The following ARSG variants were observed in gnomAD, a reference collection of about 807,000 sequenced individuals.
ARSG encodes ASG.
A neutral mutation model predicts 50.5 loss-of-function variants in ARSG; 37 were observed. The observed-to-expected ratio is 0.73, with a 90% CI of 0.56 to 0.96. The LOEUF (loss-of-function observed/expected upper bound fraction) is 0.96. ARSG is among the 50% of genes least tolerant of loss of function. ARSG has a pLI of 0.00. For missense variants in ARSG, 629 were observed against 675.3 expected, an observed-to-expected ratio of 0.93 and a Z score of 0.76; for synonymous variants, 225 against 254.6, an observed-to-expected ratio of 0.88 and a Z score of 1.11.
chr17:68,420,498 G>A lies in ARSG; in HGVS notation c.*35G>A, dbSNP rs751484778. The A allele has an allele frequency of 4.4e-6, 7 of 1,592,468 alleles. No individual in the cohort carries two copies. In the Admixed American group the frequency reaches 1.2e-4, roughly 27 times the overall value. ...TTTTATTCCACGAGGAGGAGTACCT[G>A]GAAATTAGGCAAGTTTGCTTCCAAA... On this transcript the variant is annotated 3_prime_UTR_variant, in exon 12 of 12. Coordinates refer to ENST00000621439, the MANE Select transcript of ARSG (RefSeq NM_001267727.2).
chr17:68,420,484 G>A lies in ARSG; in HGVS notation c.*21G>A, dbSNP rs9902110. ...CATAACAGACCAATTTTTATTCCAC[G>A]AGGAGGAGTACCTGGAAATTAGGCA... On this transcript the variant is annotated 3_prime_UTR_variant, in exon 12 of 12. Coordinates refer to ENST00000621439, the MANE Select transcript of ARSG (RefSeq NM_001267727.2). 846 of 1,600,724 alleles carry A rather than the reference G, an allele frequency of 5.3e-4. 4 individuals carry two copies. In the African/African-American group the frequency reaches 9.5e-3, roughly 18 times the overall value.
At position 68,368,630 on chromosome 17, in the gene ARSG, C is replaced by A. The variant is rs145490327; in HGVS notation, c.787C>A (p.Pro263Thr). Residue 263 changes from proline (P) to threonine (T), a missense_variant, in exon 7 of 12, where the codon CCA (proline) becomes ACA (threonine). Pro to Thr is a conservative substitution (Grantham distance 38). Coordinates refer to ENST00000621439, the MANE Select transcript of ARSG (RefSeq NM_001267727.2). Reference protein sequence around the residue: ...PLPVTQLPAAPRGRSLYGAGL... With the variant: ...PLPVTQLPAATRGRSLYGAGL... ...ACCTGTGACTCAGCTACCAGCAGCG[C>A]CACGGGGCAGAAGCCTGTATGGTGC... The A allele has an allele frequency of 3.1e-6, 5 of 1,614,114 alleles. No individual in the cohort carries two copies. The African/African-American group carries it at 5.3e-5, about 17-fold the overall frequency.
At chr17:68,276,150 G>A (rs191561657) in intron 1 of ARSG, among the ~76,000 whole-genome samples, 179 of 150,354 alleles carry the variant, frequency 1.2e-3, no homozygotes, top group African/African-American at 4.3e-3. Flanking sequence ...CTGGAGTGCA[G>A]TGGCACAATC....
intron 2 of ARSG, among the ~76,000 whole-genome samples, chr17:68,309,581 T>G (rs1415307848): frequency 6.6e-6 from 1 of 151,902 alleles, no homozygotes; most frequent in African/African-American, 2.4e-5. Flanking sequence ...AATAAGTAAA[T>G]AGGCTGGGTG....
At chr17:68,388,572 T>C (rs889149335) in intron 9 of ARSG, among the ~76,000 whole-genome samples, 1 of 152,054 alleles carries the variant, frequency 6.6e-6, no homozygotes, top group African/African-American at 2.4e-5. Context: ...CCTTCAGAGA[T>C]GAACTGGGGC....
intron 6 of ARSG, 139 bp downstream of exon 6, chr17:68,356,943 C>G: frequency 9.6e-7 from 1 of 1,040,708 alleles, no homozygotes; most frequent in Non-Finnish European, 1.4e-6. Context: ...ATACATGTCT[C>G]CTATAAGTAA....
At chr17:68,418,742 AGTGAGCATTCCATCC>A (rs1346872621) in intron 11 of ARSG, among the ~76,000 whole-genome samples, 4 of 152,162 alleles carry the variant, frequency 2.6e-5, no homozygotes, top group African/African-American at 4.8e-5. Flanking sequence ...TAAGAATGCC[AGTGAGCATTCCATCC>A]TACAGGGTCC....
At chr17:68,327,421 G>A (rs2077550304) in intron 2 of ARSG, among the ~76,000 whole-genome samples, 1 of 152,170 alleles carries the variant, frequency 6.6e-6, no homozygotes, top group Non-Finnish European at 1.5e-5. Flanking sequence ...GCTAGGAGAA[G>A]TTCCTTCCTT....
intron 4 of ARSG, 35 bp downstream of exon 4, chr17:68,347,207 A>T: frequency 6.2e-7 from 1 of 1,603,770 alleles, no homozygotes; most frequent in Non-Finnish European, 8.5e-7. Flanking sequence ...TACCTGGGAA[A>T]CAGAAAATAA....
rs1354460694 is a variant in ARSG at position 68,395,304 on chromosome 17, C to T, written c.1212+111C>T. On this transcript the variant is annotated intron_variant, in intron 10 of 11. Transcript: ENST00000621439. ...TCAGAAGATGGTCAAGAACAGGCTG[C>T]AGGTCGGATACAGTGGCTCACGCCT... is the stretch of plus-strand genomic sequence containing the variant. The T allele has an allele frequency of 4.0e-6, 6 of 1,505,822 alleles. No individual in the cohort carries two copies. In the African/African-American group the frequency reaches 6.9e-5, roughly 17 times the overall value. The allele number at this position is 1,505,822 out of a possible 1,614,324, so 93.3% of individuals were successfully genotyped here.
intron 4 of ARSG, among the ~76,000 whole-genome samples, chr17:68,351,304 T>C (rs760608218): frequency 2.0e-5 from 3 of 152,124 alleles, no homozygotes; most frequent in Non-Finnish European, 4.4e-5. Flanking sequence ...GTTGAAGATG[T>C]TAGGCATTCA....
chr17:68,283,460 G>A lies in ARSG; in HGVS notation c.-551-23483G>A, dbSNP rs577338224. The stretch of plus-strand genomic sequence containing the variant: ...GGCGTGAACCCGGGAGGCGGAGCTT[G>A]CATTGAGCCGAGATCGCGCCACTGC... On this transcript the variant is annotated intron_variant, in intron 1 of 11. Coordinates refer to the ARSG transcript ENST00000448504. Among the ~76,000 whole-genome samples, 8 of 151,064 alleles carry A rather than the reference G, an allele frequency of 5.3e-5. No individual in the cohort carries two copies. In the South Asian group the frequency reaches 1.7e-3, roughly 32 times the overall value.
intron 2 of ARSG, among the ~76,000 whole-genome samples, chr17:68,308,472 G>A (rs974600320): frequency 7.9e-5 from 12 of 151,924 alleles, no homozygotes; most frequent in Admixed American, 1.3e-4. Flanking sequence ...CGGTGGGCTC[G>A]TGGTCTCGCT....
intron 1 of ARSG, among the ~76,000 whole-genome samples, chr17:68,306,219 C>T (rs1192415141): frequency 6.6e-6 from 1 of 151,958 alleles, no homozygotes; most frequent in East Asian, 2.0e-4. Context: ...TCAGGCTGGT[C>T]TCAAACTCCC....
intron 8 of ARSG, among the ~76,000 whole-genome samples, chr17:68,375,826 T>G (rs2080116840): frequency 6.6e-6 from 1 of 152,124 alleles, no homozygotes; most frequent in Non-Finnish European, 1.5e-5. Flanking sequence ...CTGGAGTTTG[T>G]GGCGACCAAG....
At chr17:68,420,020 GGAGCAAATA>G (rs1374610320) in intron 11 of ARSG, among the ~76,000 whole-genome samples, 160 bp from the exon 12 acceptor site, 1 of 152,060 alleles carries the variant, frequency 6.6e-6, no homozygotes, top group Non-Finnish European at 1.5e-5. Context: ...ATCACTGGAA[GGAGCAAATA>G]GATTCTCAAG....
intron 2 of ARSG, among the ~76,000 whole-genome samples, chr17:68,331,237 C>CTTTG (rs748527164): frequency 0.13 from 9,380 of 71,528 alleles, 542 homozygotes; most frequent in Non-Finnish European, 0.16. Context: ...TTCTTTGTTT[C>CTTTG]TTTCTTTCTT....
chr17:68,319,567 G>C (rs2077198725), intron 2 of ARSG, among the ~76,000 whole-genome samples: 1 of 152,190 alleles, frequency 6.6e-6, no homozygotes, highest in African/African-American at 2.4e-5. Flanking sequence ...TGGGGCCTTG[G>C]TGCCAGCCTG....
intron 8 of ARSG, among the ~76,000 whole-genome samples, chr17:68,377,000 C>T (rs2080183618): frequency 6.6e-6 from 1 of 152,090 alleles, no homozygotes; most frequent in Non-Finnish European, 1.5e-5. Context: ...GCTGGGATTA[C>T]AGACGTGCAC....
Sources: allele counts gnomAD v4.1 joint callset (sites outside exome capture counted in the v4.1 genomes callset), GRCh38; gene constraint gnomAD v4.1.1; transcripts MANE v1.5; gene names NCBI Gene and HGNC (gene_info 2026-07-23, HGNC 2026-07-21).